Variants in TBX18 observed in about 807,000 individuals in gnomAD.
TBX18 encodes T-box transcription factor TBX18.
In TBX18, 21 loss-of-function variants were observed where a neutral mutation model predicts 55.0. That is an observed-to-expected ratio of 0.38 (90% CI 0.27 to 0.55). The LOEUF (loss-of-function observed/expected upper bound fraction) is 0.55. TBX18 is among the 20% of genes least tolerant of loss of function. The pLI is 0.73. For missense variants in TBX18, 840 were observed against 799.6 expected (o/e 1.05, Z -0.61); for synonymous variants, 342 against 326.1 (o/e 1.05, Z -0.53).
At chr6:84,752,371 A>G (rs566972733) in intron 4 of TBX18, among the ~76,000 whole-genome samples, 2 of 152,212 alleles carry the variant, frequency 1.3e-5, no homozygotes, top group Non-Finnish European at 2.9e-5. Context: ...AGGACCAACA[A>G]GAAACAGATA....
intron 4 of TBX18, among the ~76,000 whole-genome samples, chr6:84,754,135 C>T (rs1271765684): frequency 6.6e-6 from 1 of 152,118 alleles, no homozygotes; most frequent in African/African-American, 2.4e-5. Context: ...ATCATGTTGG[C>T]CAGGCTGGTC....
chr6:84,756,661 G>A, intron 4 of TBX18, 37 bp downstream of exon 4: 1 of 1,573,520 alleles, frequency 6.4e-7, no homozygotes, highest in Non-Finnish European at 8.7e-7. Flanking sequence ...ATGTGGCTGT[G>A]CCATCTACAG....
rs1048385295 is a variant in TBX18 at position 84,756,841 on chromosome 6, C to T, written c.628G>A (p.Val210Met). 4.3e-6 allele frequency: 7 copies of T among 1,613,998 alleles called. No individual in the cohort carries two copies. The South Asian group carries it at 7.7e-5, about 18-fold the overall frequency. Residue 210 changes from valine (V) to methionine (M), a missense_variant, in exon 4 of 8, where the codon GTG (valine) becomes ATG (methionine). Coordinates refer to ENST00000369663, the MANE Select transcript of TBX18 (RefSeq NM_001080508.3). The part of the protein sequence containing the change: ...RYVYHSSKWM[V>M]AGNADSPVPP... ...ACAGGCGAGTCAGCATTACCTGCCA[C>T]CATCCATTTCGAACTGTGGTAAACA...
In TBX18 at chr6:84,736,634, AAAAG is replaced by A. The variant is rs763045528; in HGVS notation, c.*47_*50del. 5.3e-5 allele frequency: 77 copies of A among 1,463,036 alleles called. No homozygotes were observed. The highest frequency in any genetic ancestry group is 7.2e-5 in the African/African-American group (5 of 69,808). The allele number at this position is 1,463,036 out of a possible 1,614,324, so 90.6% of individuals were successfully genotyped here. ...CTTTCCACATAGCTTTTAAAAAAGAAAAAGAAAATATGTTAGACAGATCCAAATG... is the reference window on the plus strand; with the variant it reads ...CTTTCCACATAGCTTTTAAAAAAGAAAAAATATGTTAGACAGATCCAAATG... On this transcript the variant is annotated 3_prime_UTR_variant, in exon 8 of 8. Coordinates refer to ENST00000369663, the MANE Select transcript of TBX18 (RefSeq NM_001080508.3).
chr6:84,756,258 C>A (rs926362840), intron 4 of TBX18, among the ~76,000 whole-genome samples: 1 of 152,196 alleles, frequency 6.6e-6, no homozygotes, highest in African/African-American at 2.4e-5. Flanking sequence ...TGGGAACTTG[C>A]AGATGGAACA....
At chr6:84,757,455 T>G (rs1767523768) in intron 3 of TBX18, among the ~76,000 whole-genome samples, 4 of 152,156 alleles carry the variant, frequency 2.6e-5, no homozygotes, top group Admixed American at 2.6e-4. Flanking sequence ...ATACTATATA[T>G]TGAGGACAAA....
In TBX18 at chr6:84,764,097, C is replaced by T. The variant is rs1426869335; in HGVS notation, c.85G>A (p.Glu29Lys). 1 of 1,586,212 alleles carries T rather than the reference C, an allele frequency of 6.3e-7. No individual in the cohort carries two copies. The highest frequency in any genetic ancestry group is 1.7e-5 in the Admixed American group (1 of 58,776). The change falls in exon 1 of 8, where the codon GAG (glutamate) becomes AAG (lysine). Residue 29 changes from glutamate to lysine, a missense_variant. Glu to Lys is a moderately conservative substitution (Grantham distance 56). Transcript: ENST00000369663. ...TTCTTCTGAAGCTGTTGCTGCTTCT[C>T]GGCGCCGATCAGCGCCTCCACCGAG... ...AFSVEALIGA[E>K]KQQQLQKKRR...
At chr6:84,739,327 G>C (rs953533916) in intron 6 of TBX18, among the ~76,000 whole-genome samples, 1 of 152,014 alleles carries the variant, frequency 6.6e-6, no homozygotes, top group African/African-American at 2.4e-5. Context: ...TAAAGAGACA[G>C]GGTAAGTTTC....
chr6:84,742,860 G>A (rs1767082345), intron 6 of TBX18, among the ~76,000 whole-genome samples: 1 of 152,158 alleles, frequency 6.6e-6, no homozygotes, highest in African/African-American at 2.4e-5. Context: ...CGCCAAGGTA[G>A]AATAGGAGTC....
Position 84,747,916 on chromosome 6 carries a change from A to C in TBX18, c.939+4T>G, listed in dbSNP as rs780182947. On this transcript the variant is annotated splice_donor_region_variant and intron_variant, in intron 5 of 7. Transcript: ENST00000369663. ...TACAAAGATTCCAATTCTGAGAACA[A>C]TACCTGCTGATTCTGATAGGCAGTG... is the stretch of plus-strand genomic sequence containing the variant. 2.5e-6 allele frequency: 4 copies of C among 1,609,732 alleles called. No homozygotes were observed. In the African/African-American group the frequency reaches 5.3e-5, roughly 22 times the overall value.
intron 6 of TBX18, among the ~76,000 whole-genome samples, chr6:84,742,721 G>A (rs908641941): frequency 4.6e-5 from 7 of 151,980 alleles, no homozygotes; most frequent in East Asian, 1.9e-4. Context: ...TTTCTCTCCC[G>A]GAATTTCAGT....
chr6:84,758,392 A>G (rs568822946), intron 3 of TBX18, among the ~76,000 whole-genome samples: 2 of 150,778 alleles, frequency 1.3e-5, no homozygotes, highest in South Asian at 4.2e-4. Flanking sequence ...TGGGCAACAG[A>G]GCAAGACTCC....
At position 84,735,642 on chromosome 6, in the gene TBX18, TA is replaced by T. The variant is rs1773917821; in HGVS notation, c.*1042del. 1.3e-5 allele frequency: 2 copies of T among 152,184 alleles called. No homozygotes were observed. Among genetic ancestry groups the T allele is most frequent in the Non-Finnish European group, 2.9e-5 (2 of 68,016 alleles). 9.4% of individuals were successfully genotyped at this position (152,184 alleles called of 1,614,324 possible). ...GGTTCAATGTGTAGGAATTACAAGA[TA>T]TAAATAAGTAGCATAAATGCATTTT... On this transcript the variant is annotated 3_prime_UTR_variant, in exon 8 of 8. Coordinates refer to ENST00000369663, the MANE Select transcript of TBX18 (RefSeq NM_001080508.3).
Position 84,736,971 on chromosome 6 carries a change from G to T in TBX18, c.1538C>A (p.Thr513Asn). The T allele has an allele frequency of 6.2e-7, 1 of 1,610,890 alleles. No homozygotes were observed. Among genetic ancestry groups the T allele is most frequent in the South Asian group, 1.1e-5 (1 of 90,528 alleles). ...PSSNAFATNQ[T>N]HQGSYNTFRL... ...AAAAGTATTATAGGAACCCTGATGGGTCTGGTTAGTGGCGAAGGCATTGCT... is the reference window on the plus strand; with the variant it reads ...AAAAGTATTATAGGAACCCTGATGGTTCTGGTTAGTGGCGAAGGCATTGCT... The change falls in exon 8 of 8, where the codon ACC becomes AAC. Residue 513 changes from threonine (T) to asparagine (N), a missense_variant. Physicochemically the swap from Thr to Asn is moderately conservative, Grantham distance 65. Transcript: ENST00000369663.
chr6:84,740,058 C>T (rs1767007456), intron 6 of TBX18, among the ~76,000 whole-genome samples: 1 of 152,194 alleles, frequency 6.6e-6, no homozygotes, highest in African/African-American at 2.4e-5. Flanking sequence ...ATAAGCCTGA[C>T]TCATCTCTTA....
At position 84,736,590 on chromosome 6, in the gene TBX18, T is replaced by A; in HGVS notation, c.*95A>T. ...TTCATTTTCTATTATATGTACATTT[T>A]ATAAACCACAGAGAGTTTCTTTCCA... On this transcript the variant is annotated 3_prime_UTR_variant, in exon 8 of 8. Coordinates refer to ENST00000369663, the MANE Select transcript of TBX18 (RefSeq NM_001080508.3). The A allele has an allele frequency of 5.0e-6, 7 of 1,389,962 alleles. No homozygotes were observed. The highest frequency in any genetic ancestry group is 6.7e-6 in the Non-Finnish European group (7 of 1,048,496). The allele number at this position is 1,389,962 out of a possible 1,614,324, so 86.1% of individuals were successfully genotyped here.
rs1582082752 is a variant in TBX18 at position 84,756,812 on chromosome 6, T to G, written c.657A>C (p.Pro219=). 2.5e-6 allele frequency: 4 copies of G among 1,614,046 alleles called. No individual in the cohort carries two copies. Among genetic ancestry groups the G allele is most frequent in the Non-Finnish European group, 3.4e-6 (4 of 1,180,006 alleles). The change falls in exon 4 of 8, where the codon CCA becomes CCC. Residue 219 remains proline, a synonymous_variant. Transcript: ENST00000369663. The part of the protein sequence containing the change: ...MVAGNADSPV[P]PRVYIHPDSP... ...AGTCTGGATGAATGTACACACGGGG[T>G]GGCACAGGCGAGTCAGCATTACCTG... is the stretch of plus-strand genomic sequence containing the variant.
In TBX18 at chr6:84,737,040, G is replaced by A. The variant is rs747562979; in HGVS notation, c.1469C>T (p.Ser490Leu). 2.2e-5 allele frequency: 36 copies of A among 1,614,002 alleles called. No individual in the cohort carries two copies. The highest frequency in any genetic ancestry group is 3.3e-5 in the Admixed American group (2 of 59,994). ...ATACTGGAGCTGGGGGGACATTCCC[G>A]AAATCTGCATGGATAAGCTGGTCTG... is the stretch of plus-strand genomic sequence containing the variant. ...CPQTSLSMQI[S>L]GMSPQLQYIM... Residue 490 changes from serine (S) to leucine (L), a missense_variant, in exon 8 of 8, where the codon TCG (serine) becomes TTG (leucine). Coordinates refer to ENST00000369663, the MANE Select transcript of TBX18 (RefSeq NM_001080508.3).
At chr6:84,750,396 T>G (rs1037438281) in intron 4 of TBX18, among the ~76,000 whole-genome samples, 2 of 152,102 alleles carry the variant, frequency 1.3e-5, no homozygotes, top group Non-Finnish European at 2.9e-5. Context: ...GTAGATATTC[T>G]TTTTCAGAAC....
Sources: gnomAD v4.1 joint callset for allele counts (sites outside exome capture counted in the v4.1 genomes callset) on GRCh38, gnomAD v4.1.1 for gene constraint, MANE v1.5 for transcripts, NCBI Gene and HGNC (gene_info 2026-07-23, HGNC 2026-07-21) for gene names.